Variants in AZIN1 observed in about 807,000 individuals in gnomAD.
AZIN1 encodes ornithine decarboxylase antizyme inhibitor.
In AZIN1, 12 loss-of-function variants were observed where a neutral mutation model predicts 47.4. That is an observed-to-expected ratio of 0.25 (90% CI 0.16 to 0.41). The LOEUF is 0.41. Ranked by LOEUF, AZIN1 falls within the 10% of genes least tolerant of loss-of-function variation. AZIN1 has a pLI of 1.00. For missense variants in AZIN1, 410 were observed against 532.4 expected (o/e 0.77, Z 2.26); for synonymous variants, 155 against 176.3 (o/e 0.88, Z 0.96).
intron 2 of AZIN1, among the ~76,000 whole-genome samples, chr8:102,846,820 G>A (rs1016649378): frequency 6.6e-6 from 1 of 152,096 alleles, no homozygotes; most frequent in African/African-American, 2.4e-5. Flanking sequence ...TTCTTCATAT[G>A]ATGTCCCTTT....
intron 4 of AZIN1, among the ~76,000 whole-genome samples, chr8:102,839,130 G>A (rs1028283209): frequency 3.3e-5 from 5 of 152,268 alleles, no homozygotes; most frequent in East Asian, 1.9e-4. Flanking sequence ...AAAGTGCTAC[G>A]AGTACAGGTA....
intron 2 of AZIN1, among the ~76,000 whole-genome samples, chr8:102,857,542 A>C (rs751487984): frequency 3.9e-5 from 6 of 152,108 alleles, no homozygotes; most frequent in African/African-American, 1.4e-4. Flanking sequence ...TTAAATATCT[A>C]TATTTTAATA....
chr8:102,847,343 C>A (rs942134529), intron 2 of AZIN1, among the ~76,000 whole-genome samples: 2 of 125,622 alleles, frequency 1.6e-5, no homozygotes, highest in African/African-American at 3.2e-5. Context: ...AGGGAGAACC[C>A]ATCTCTTAAA....
At chr8:102,860,105 G>C (rs1274058827) in intron 1 of AZIN1, among the ~76,000 whole-genome samples, 2 of 152,212 alleles carry the variant, frequency 1.3e-5, no homozygotes, top group Non-Finnish European at 2.9e-5. Flanking sequence ...AGAAGGACTT[G>C]TTAAATGGAA....
chr8:102,829,138 T>G, intron 11 of AZIN1, 134 bp downstream of exon 11: 1 of 752,450 alleles, frequency 1.3e-6, no homozygotes, highest in Admixed American at 2.8e-5. Flanking sequence ...ATTCCCATCA[T>G]TAAGTAACTA....
At chr8:102,857,877 C>CT (rs1304874998) in intron 2 of AZIN1, 136 bp downstream of exon 2, 2 of 395,210 alleles carry the variant, frequency 5.1e-6, no homozygotes, top group Non-Finnish European at 8.9e-6. Flanking sequence ...TGTCTTATCT[C>CT]TATTTCAGAA....
intron 6 of AZIN1, 83 bp downstream of exon 6, chr8:102,836,173 A>G: frequency 2.1e-6 from 3 of 1,405,124 alleles, no homozygotes; most frequent in East Asian, 2.3e-5. Context: ...TTTCATGCAA[A>G]TAAAGTCTTA....
intron 11 of AZIN1, 51 bp from the exon 12 acceptor site, chr8:102,828,729 G>GT: frequency 8.9e-7 from 1 of 1,127,560 alleles, no homozygotes; most frequent in Non-Finnish European, 1.3e-6. Flanking sequence ...CAAAGACCAC[G>GT]TAATCACATA....
chr8:102,851,134 A>C (rs182414537), intron 2 of AZIN1, among the ~76,000 whole-genome samples: 88 of 152,342 alleles, frequency 5.8e-4, no homozygotes, highest in African/African-American at 1.6e-3. Flanking sequence ...ACCTGCACTC[A>C]AGTGAAATAT....
At position 102,839,631 on chromosome 8, in the gene AZIN1, A is replaced by G; in HGVS notation, c.276+19T>C. On this transcript the variant is annotated intron_variant, in intron 4 of 11. Coordinates refer to ENST00000337198, the MANE Select transcript of AZIN1 (RefSeq NM_148174.4). Reference sequence around the variant, plus strand: ...ATTATTCAATGTTTCAGTTTAGTTAAAAAATGAAAAATACTTACTTTACTG... The same window carrying G: ...ATTATTCAATGTTTCAGTTTAGTTAGAAAATGAAAAATACTTACTTTACTG... 6.6e-7 allele frequency: 1 copy of G among 1,504,360 alleles called. No individual in the cohort carries two copies. The highest frequency in any genetic ancestry group is 8.9e-7 in the Non-Finnish European group (1 of 1,118,570). 93.2% of individuals were successfully genotyped at this position (1,504,360 alleles called of 1,614,324 possible). A position where few individuals can be genotyped will look rare whatever the true frequency, so the allele number is the denominator to read the frequency against.
chr8:102,843,809 A>G (rs1379680728), intron 2 of AZIN1, 62 bp from the exon 3 acceptor site: 1 of 1,193,466 alleles, frequency 8.4e-7, no homozygotes, highest in East Asian at 2.9e-5. Flanking sequence ...GTACGAGTCA[A>G]TGAAAGTGTG....
chr8:102,854,682 T>C (rs1353006334), intron 2 of AZIN1, among the ~76,000 whole-genome samples: 1 of 149,764 alleles, frequency 6.7e-6, no homozygotes, highest in Non-Finnish European at 1.5e-5. Context: ...TACTAAGGCA[T>C]GTGTAAATAC....
chr8:102,848,159 G>A (rs1339965558), intron 2 of AZIN1, among the ~76,000 whole-genome samples: 1 of 152,098 alleles, frequency 6.6e-6, no homozygotes, highest in Non-Finnish European at 1.5e-5. Context: ...CAGCTTGGGT[G>A]TGTCGTAGGC....
In AZIN1 at chr8:102,826,938, T is replaced by A. The variant is rs181184371; in HGVS notation, c.*1629A>T. The stretch of plus-strand genomic sequence containing the variant: ...GGATTGGGGCCCTATATATATATAT[T>A]TTTAATAGAACCCATGAGATTTAAA... On this transcript the variant is annotated 3_prime_UTR_variant, in exon 12 of 12. Coordinates refer to ENST00000337198, the MANE Select transcript of AZIN1 (RefSeq NM_148174.4). The A allele has an allele frequency of 6.5e-4, 99 of 152,614 alleles. No homozygotes were observed. Among genetic ancestry groups the A allele is most frequent in the South Asian group, 2.1e-3 (10 of 4,822 alleles). The allele number at this position is 152,614 out of a possible 1,614,324, so 9.5% of individuals were successfully genotyped here.
Position 102,833,218 on chromosome 8 carries a change from C to T in AZIN1, c.742G>A (p.Val248Ile), listed in dbSNP as rs371853949. 1.2e-6 allele frequency: 2 copies of T among 1,609,818 alleles called. No individual in the cohort carries two copies. The highest frequency in any genetic ancestry group is 2.7e-5 in the African/African-American group (2 of 74,788). The part of the protein sequence containing the change: ...FTGTEFQLEE[V>I]NHVISPLLDI... ...AACAGAGGGCTGATAACATGATTAA[C>T]CTATGGATTTTAAATGCCACAGTAT... The change falls in exon 9 of 12, where the codon GTT becomes ATT. Residue 248 changes from valine (V) to isoleucine (I), a missense_variant and splice_region_variant. Val to Ile is a conservative substitution (Grantham distance 29). Transcript: ENST00000337198.
chr8:102,861,794 G>A (rs1813673943), intron 1 of AZIN1, among the ~76,000 whole-genome samples: 1 of 151,918 alleles, frequency 6.6e-6, no homozygotes, highest in South Asian at 2.1e-4. Flanking sequence ...TGTAATCCCA[G>A]CACTCTGGGA....
In AZIN1 at chr8:102,843,734, G is replaced by C; in HGVS notation, c.-82C>G. ...CACCAAGCCTATGTCTGGGTCCTTA[G>C]AATATGCAACAAACTGTCAAAATAT... On this transcript the variant is annotated 5_prime_UTR_variant, in exon 3 of 12. Coordinates refer to ENST00000337198, the MANE Select transcript of AZIN1 (RefSeq NM_148174.4). 6.4e-7 allele frequency: 1 copy of C among 1,569,752 alleles called. No homozygotes were observed. The highest frequency in any genetic ancestry group is 8.6e-7 in the Non-Finnish European group (1 of 1,162,012).
intron 2 of AZIN1, among the ~76,000 whole-genome samples, chr8:102,848,230 C>T (rs1436567914): frequency 4.7e-5 from 7 of 148,708 alleles, no homozygotes; most frequent in Admixed American, 7.0e-5. Flanking sequence ...TGTCACCTAA[C>T]GACACATTTC....
At chr8:102,849,692 T>G (rs1023096046) in intron 2 of AZIN1, among the ~76,000 whole-genome samples, 10 of 152,210 alleles carry the variant, frequency 6.6e-5, no homozygotes, top group Non-Finnish European at 1.0e-4. Context: ...TAACATACGG[T>G]TGAGAAAGCT....
Sources: allele counts gnomAD v4.1 joint callset (sites outside exome capture counted in the v4.1 genomes callset), GRCh38; gene constraint gnomAD v4.1.1; transcripts MANE v1.5; gene names NCBI Gene and HGNC (gene_info 2026-07-23, HGNC 2026-07-21).